Variants in RASA3 observed in about 807,000 individuals in gnomAD.
RASA3 encodes the protein RAS p21 protein activator 3, also known as ras GTPase-activating protein 3.
A neutral mutation model predicts 110.0 loss-of-function variants in RASA3; 73 were observed. The observed-to-expected ratio is 0.66, with a 90% CI of 0.55 to 0.81. RASA3 has a LOEUF of 0.81. Ranked by LOEUF, RASA3 falls within the 30% of genes least tolerant of loss-of-function variation. The probability of loss-of-function intolerance (pLI) is 0.00; values close to 1 mark genes in which losing one functional copy is unlikely to be tolerated. For synonymous variants in RASA3, 500 were observed against 451.4 expected (o/e 1.11, Z -1.37); for missense variants, 976 against 1,113.2 (o/e 0.88, Z 1.75).
chr13:114,121,439 A>G lies in RASA3; in HGVS notation c.55+10996T>C, dbSNP rs554549656. Among the ~76,000 whole-genome samples, 486 of 152,250 alleles carry G rather than the reference A, an allele frequency of 3.2e-3. 5 individuals carry two copies. The highest frequency in any genetic ancestry group is 0.011 in the African/African-American group (464 of 41,536). ...TTCTGCCACGGATCTCGGCTAAAGG[A>G]AAAGCCAACAGAAGCCCACCGGAGC... On this transcript the variant is annotated intron_variant, in intron 1 of 23. Coordinates refer to ENST00000334062, the MANE Select transcript of RASA3 (RefSeq NM_007368.4).
chr13:114,004,617 G>A (rs564395079), intron 18 of RASA3, among the ~76,000 whole-genome samples: 4 of 152,206 alleles, frequency 2.6e-5, no homozygotes, highest in African/African-American at 9.6e-5. Context: ...GAATGGCTGG[G>A]ATCAAATAAA....
intron 16 of RASA3, among the ~76,000 whole-genome samples, chr13:114,010,926 T>C (rs1255372885): frequency 1.4e-5 from 2 of 144,814 alleles, no homozygotes; most frequent in African/African-American, 5.2e-5. Context: ...ATGCTGCTCC[T>C]GCCACGGGGC....
chr13:114,057,579 C>T lies in RASA3; in HGVS notation c.174-5424G>A. ...GTGGAGGCCCCCACAGGAAGGAAAC[C>T]TCTCCCCACAATGACTGTGCACAGA... On this transcript the variant is annotated intron_variant, in intron 2 of 23. Coordinates refer to ENST00000334062, the MANE Select transcript of RASA3 (RefSeq NM_007368.4). This position sits in a 1 kb window ranked among gnomAD's most constrained non-coding sequence, Gnocchi z 5.0. 1.1e-6 allele frequency: 1 copy of T among 915,774 alleles called. No individual in the cohort carries two copies. Among genetic ancestry groups the T allele is most frequent in the Non-Finnish European group, 1.3e-6 (1 of 766,614 alleles). 56.7% of individuals were successfully genotyped at this position (915,774 alleles called of 1,614,324 possible).
intron 1 of RASA3, among the ~76,000 whole-genome samples, chr13:114,118,301 G>A (rs752617614): frequency 1.3e-5 from 2 of 152,136 alleles, no homozygotes; most frequent in East Asian, 1.9e-4. Context: ...CCCCGCCTGT[G>A]TGACTCAAAC....
chr13:114,023,409 C>A (rs2053967880), intron 8 of RASA3, among the ~76,000 whole-genome samples: 2 of 152,296 alleles, frequency 1.3e-5, no homozygotes, highest in South Asian at 4.1e-4. Flanking sequence ...GGAGCCGTTT[C>A]CTTCCTTCTC....
At chr13:113,989,264 CCACCCATCACT>C (rs1448096674) in intron 22 of RASA3, among the ~76,000 whole-genome samples, 2 of 147,346 alleles carry the variant, frequency 1.4e-5, no homozygotes, top group East Asian at 4.1e-4. Flanking sequence ...ATCTGTCCAT[CCACCCATCACT>C]CACCCATCCG....
At position 114,111,501 on chromosome 13, in the gene RASA3, C is replaced by G. The variant is rs9590448; in HGVS notation, c.55+20934G>C. On this transcript the variant is annotated intron_variant, in intron 1 of 23. Transcript: ENST00000334062. ...GCTGAGCCTCAAACGAGCTGCAGGCCGAGTTCTAACGGGCTGAGCCTCAAA... is the reference window on the plus strand; with the variant it reads ...GCTGAGCCTCAAACGAGCTGCAGGCGGAGTTCTAACGGGCTGAGCCTCAAA... Among the ~76,000 whole-genome samples the G allele has an allele frequency of 1.3e-4, 11 of 86,980 alleles. No individual in the cohort carries two copies. The South Asian group carries it at 1.6e-3, about 12-fold the overall frequency. The allele number at this position is 86,980 out of a possible 152,430, so 57.1% of individuals were successfully genotyped here. A position where few individuals can be genotyped will look rare whatever the true frequency, so the allele number is the denominator to read the frequency against.
Position 114,001,049 on chromosome 13 carries a change from A to G in RASA3, c.1743-117T>C, listed in dbSNP as rs118006706. The stretch of plus-strand genomic sequence containing the variant: ...ACCTGAGGCAGGCAGTGGATTTTCA[A>G]TATCTTATCATTTTACTCCGAGTGA... On this transcript the variant is annotated intron_variant, in intron 18 of 23. Coordinates refer to ENST00000334062, the MANE Select transcript of RASA3 (RefSeq NM_007368.4). 2.1e-3 allele frequency: 1,496 copies of G among 700,828 alleles called. 27 individuals are homozygous for G. In the East Asian group the frequency reaches 0.035, roughly 16 times the overall value. The allele number at this position is 700,828 out of a possible 1,614,324, so 43.4% of individuals were successfully genotyped here.
chr13:114,016,501 G>A (rs1414302409), intron 12 of RASA3, among the ~76,000 whole-genome samples: 1 of 152,200 alleles, frequency 6.6e-6, no homozygotes, highest in Non-Finnish European at 1.5e-5. Flanking sequence ...GGGCAACCCT[G>A]GGCCTGTGTC....
At chr13:114,000,724 C>T (rs2053374540) in intron 19 of RASA3, 102 bp downstream of exon 19, 3 of 913,228 alleles carry the variant, frequency 3.3e-6, no homozygotes, top group African/African-American at 1.6e-5. Flanking sequence ...GCCCGCAGCA[C>T]TGAATCCTTC....
rs751680424 is a variant in RASA3 at position 114,056,447 on chromosome 13, G to A, written c.174-4292C>T. 4.0e-4 allele frequency: 392 copies of A among 985,252 alleles called. No homozygotes were observed. Among genetic ancestry groups the A allele is most frequent in the Non-Finnish European group, 4.6e-4 (381 of 829,910 alleles). 61.0% of individuals were successfully genotyped at this position (985,252 alleles called of 1,614,324 possible). Reference sequence around the variant, plus strand: ...GAGGCACTCCAACATCTGATGAAACGAAACTAACCCCAGGGCTTGGGCAGC... The same window carrying A: ...GAGGCACTCCAACATCTGATGAAACAAAACTAACCCCAGGGCTTGGGCAGC... On this transcript the variant is annotated intron_variant, in intron 2 of 23. Coordinates refer to ENST00000334062, the MANE Select transcript of RASA3 (RefSeq NM_007368.4). This position sits in a 1 kb window ranked among gnomAD's most constrained non-coding sequence, Gnocchi z 5.7.
rs892429239 is a variant in RASA3, at chr13:114,027,252, G to A, written c.603+137C>T. The A allele has an allele frequency of 8.9e-6, 7 of 785,322 alleles. No individual in the cohort carries two copies. The East Asian group carries it at 1.7e-4, about 19-fold the overall frequency. The allele number at this position is 785,322 out of a possible 1,614,324, so 48.6% of individuals were successfully genotyped here. A position where few individuals can be genotyped will look rare whatever the true frequency, so the allele number is the denominator to read the frequency against. ...CGCTCCTCTCCGGAAGGAACCCAGG[G>A]CCGGCTGGCGGGGCTCGCTCCTCTC... On this transcript the variant is annotated intron_variant, in intron 7 of 23. Coordinates refer to ENST00000334062, the MANE Select transcript of RASA3 (RefSeq NM_007368.4).
rs1001873994 is a variant in RASA3, at chr13:114,101,842, C to G, written c.56-28005G>C. 1.6e-4 allele frequency among the ~76,000 whole-genome samples: 24 copies of G among 152,268 alleles called. 1 individual carries two copies. Among genetic ancestry groups the G allele is most frequent in the African/African-American group, 5.1e-4 (21 of 41,540 alleles). On this transcript the variant is annotated intron_variant, in intron 1 of 23. Coordinates refer to ENST00000334062, the MANE Select transcript of RASA3 (RefSeq NM_007368.4). ...ATGCCAATGCCGTCTGGAAAACATA[C>G]GGAAAATGTCATTCCCAGGAAATGT...
At chr13:114,023,162 C>T (rs1011552112) in intron 8 of RASA3, among the ~76,000 whole-genome samples, 4 of 152,224 alleles carry the variant, frequency 2.6e-5, no homozygotes, top group Non-Finnish European at 5.9e-5. Context: ...GGGAGGGTGA[C>T]CAGGGATTTG....
At chr13:114,043,376 G>A (rs1334544732) in intron 3 of RASA3, among the ~76,000 whole-genome samples, 1 of 152,130 alleles carries the variant, frequency 6.6e-6, no homozygotes, top group East Asian at 1.9e-4. Context: ...GTCCTCAGGG[G>A]AGCCGGCTGC....
intron 1 of RASA3, among the ~76,000 whole-genome samples, chr13:114,088,716 A>G (rs1436899590): frequency 6.6e-6 from 1 of 152,084 alleles, no homozygotes; most frequent in Admixed American, 6.6e-5. Context: ...ATGCCCAGCT[A>G]ATTTTGTATT....
intron 1 of RASA3, chr13:114,078,023 C>T (rs1175527661): frequency 2.0e-6 from 2 of 978,418 alleles, no homozygotes; most frequent in Non-Finnish European, 2.4e-6. Flanking sequence ...TGAGAAACAT[C>T]CTGGTTGCTA....
In RASA3 at chr13:114,040,996, T is replaced by C; in HGVS notation, c.372+4A>G. 1.2e-6 allele frequency: 2 copies of C among 1,613,406 alleles called. No individual in the cohort carries two copies. The highest frequency in any genetic ancestry group is 1.1e-5 in the South Asian group (1 of 91,066). On this transcript the variant is annotated splice_donor_region_variant and intron_variant, in intron 4 of 23. Coordinates refer to ENST00000334062, the MANE Select transcript of RASA3 (RefSeq NM_007368.4). ...GGTTTCCGGGGCTGCGCCGAGAGTC[T>C]CACCTGCACTTCCGAGTCAGCGTCC...
chr13:114,015,369 G>T (rs781571470), intron 13 of RASA3, 37 bp from the exon 14 acceptor site: 1 of 1,609,118 alleles, frequency 6.2e-7, no homozygotes, highest in Admixed American at 1.7e-5. Context: ...CACTCCCGAG[G>T]CTGCCCACAG....
Sources: allele counts gnomAD v4.1 joint callset (sites outside exome capture counted in the v4.1 genomes callset), GRCh38; gene constraint gnomAD v4.1.1; non-coding constraint Gnocchi (gnomAD v3.1); transcripts MANE v1.5; gene names NCBI Gene and HGNC (gene_info 2026-07-23, HGNC 2026-07-21).